HBS1L: variants seen among roughly 807,000 people sequenced by gnomAD.
HBS1L encodes HBS1 like translational GTPase.
A neutral mutation model predicts 88.9 loss-of-function variants in HBS1L; 55 were observed. That is an observed-to-expected ratio of 0.62 (90% CI 0.50 to 0.77). HBS1L has a LOEUF of 0.77. HBS1L is among the 30% of genes least tolerant of loss of function. HBS1L has a pLI of 0.00. For missense variants in HBS1L, 741 were observed against 829.3 expected (o/e 0.89, Z 1.31); for synonymous variants, 267 against 288.5 (o/e 0.93, Z 0.76).
Position 134,961,092 on chromosome 6 carries a change from T to A in HBS1L, c.*4187A>T. ...GCTGTACAGACTTAGTTTCTTTGCT[T>A]TTTTTTTTTTTTTTTTTGCATTGAT... is the stretch of plus-strand genomic sequence containing the variant. On this transcript the variant is annotated 3_prime_UTR_variant, in exon 18 of 18. Coordinates refer to ENST00000367837, the MANE Select transcript of HBS1L (RefSeq NM_006620.4). The A allele has an allele frequency of 2.2e-5, 1 of 46,246 alleles. No individual in the cohort carries two copies. The highest frequency in any genetic ancestry group is 8.5e-5 in the African/African-American group (1 of 11,740). The allele number at this position is 46,246 out of a possible 1,614,324, so 2.9% of individuals were successfully genotyped here. A position where few individuals can be genotyped will look rare whatever the true frequency, so the allele number is the denominator to read the frequency against.
intron 5 of HBS1L, among the ~76,000 whole-genome samples, chr6:135,000,424 G>C (rs1775418316): frequency 6.6e-6 from 1 of 151,664 alleles, no homozygotes; most frequent in African/African-American, 2.4e-5. Context: ...CTTTCTAAAA[G>C]TAAACTATAC....
chr6:135,035,504 GC>G (rs1327251868), intron 4 of HBS1L, among the ~76,000 whole-genome samples: 4 of 151,538 alleles, frequency 2.6e-5, no homozygotes, highest in African/African-American at 9.7e-5. Context: ...ACTTTGGGAG[GC>G]CAAGGCGGGC....
chr6:135,046,962 A>G (rs1776932605), intron 2 of HBS1L, among the ~76,000 whole-genome samples: 1 of 152,238 alleles, frequency 6.6e-6, no homozygotes, highest in South Asian at 2.1e-4. Context: ...GAAAAATTTA[A>G]AAATCCAAAG....
chr6:134,988,033 T>G (rs1039304338), intron 8 of HBS1L, among the ~76,000 whole-genome samples: 16 of 152,124 alleles, frequency 1.1e-4, no homozygotes, highest in African/African-American at 3.9e-4. Context: ...TTAAAATATA[T>G]AAGCAAAGGA....
At chr6:135,033,391 T>C (rs899304511) in intron 4 of HBS1L, among the ~76,000 whole-genome samples, 1 of 152,150 alleles carries the variant, frequency 6.6e-6, no homozygotes, top group African/African-American at 2.4e-5. Context: ...ACTTGGCTTT[T>C]TACCAAGGAT....
In HBS1L at chr6:134,961,090, C is replaced by CTTTTTTTTTT. The variant is rs58274929; in HGVS notation, c.*4179_*4188dup. 2.1e-4 allele frequency: 22 copies of CTTTTTTTTTT among 106,232 alleles called. 3 individuals carry two copies. The highest frequency in any genetic ancestry group is 2.6e-4 in the Non-Finnish European group (14 of 54,254). 6.6% of individuals were successfully genotyped at this position (106,232 alleles called of 1,614,324 possible). On this transcript the variant is annotated 3_prime_UTR_variant, in exon 18 of 18. Transcript: ENST00000367837. Reference sequence around the variant, plus strand: ...TTGCTGTACAGACTTAGTTTCTTTGCTTTTTTTTTTTTTTTTTTTGCATTG... The same window carrying CTTTTTTTTTT: ...TTGCTGTACAGACTTAGTTTCTTTGCTTTTTTTTTTTTTTTTTTTTTTTTTTTTTGCATTG...
chr6:135,043,755 A>C (rs1776825767), intron 2 of HBS1L, among the ~76,000 whole-genome samples: 1 of 152,252 alleles, frequency 6.6e-6, no homozygotes, highest in Non-Finnish European at 1.5e-5. Context: ...CAAGGAGAAA[A>C]GAATAAGAGA....
intron 4 of HBS1L, among the ~76,000 whole-genome samples, chr6:135,003,568 T>TTA (rs545771375): frequency 1.6e-5 from 2 of 128,320 alleles, no homozygotes; most frequent in Non-Finnish European, 3.2e-5. Flanking sequence ...CTCCATCTCT[T>TTA]AAAAAAAAAA....
intron 8 of HBS1L, among the ~76,000 whole-genome samples, chr6:134,992,396 T>C (rs1396592704): frequency 6.6e-6 from 1 of 152,172 alleles, no homozygotes; most frequent in African/African-American, 2.4e-5. Flanking sequence ...GCATTACTCA[T>C]GTATCTGTGA....
At position 134,961,339 on chromosome 6, in the gene HBS1L, T is replaced by C. The variant is rs1774184394; in HGVS notation, c.*3940A>G. On this transcript the variant is annotated 3_prime_UTR_variant, in exon 18 of 18. Transcript: ENST00000367837. ...GTATTTTACACCTACATTTACACTA[T>C]TAACTTATTTGTACATACTTAAATG... is the stretch of plus-strand genomic sequence containing the variant. 6.6e-6 allele frequency: 1 copy of C among 152,214 alleles called. No homozygotes were observed. The highest frequency in any genetic ancestry group is 1.5e-5 in the Non-Finnish European group (1 of 68,044). The allele number at this position is 152,214 out of a possible 1,614,324, so 9.4% of individuals were successfully genotyped here.
rs564840657 is a variant in HBS1L at position 135,054,523 on chromosome 6, C to A, written c.43+126G>T. 6.4e-5 allele frequency: 69 copies of A among 1,080,122 alleles called. No homozygotes were observed. In the African/African-American group the frequency reaches 8.9e-4, roughly 14 times the overall value. 66.9% of individuals were successfully genotyped at this position (1,080,122 alleles called of 1,614,324 possible). ...CTAGAAGGCCTGTTATATTCCCCAA[C>A]TGGGGCTCTCCCAATCCCGACAGGG... is the stretch of plus-strand genomic sequence containing the variant. On this transcript the variant is annotated intron_variant, in intron 1 of 17. Coordinates refer to ENST00000367837, the MANE Select transcript of HBS1L (RefSeq NM_006620.4).
At chr6:135,007,239 GTTAT>G (rs745961702) in intron 4 of HBS1L, among the ~76,000 whole-genome samples, 2 of 152,040 alleles carry the variant, frequency 1.3e-5, no homozygotes, top group South Asian at 2.1e-4. Context: ...CAAAAATGTG[GTTAT>G]TTAAGTGAAA....
At chr6:134,980,339 G>A (rs1198527748) in intron 13 of HBS1L, among the ~76,000 whole-genome samples, 2 of 151,918 alleles carry the variant, frequency 1.3e-5, no homozygotes, top group Non-Finnish European at 2.9e-5. Flanking sequence ...GCATTAATCT[G>A]AGAAAAGAAG....
intron 4 of HBS1L, among the ~76,000 whole-genome samples, chr6:135,008,173 A>G (rs189176326): frequency 6.6e-6 from 1 of 152,228 alleles, no homozygotes; most frequent in Admixed American, 6.5e-5. Context: ...CAAAAGATAC[A>G]TATTCTGAAA....
intron 12 of HBS1L, among the ~76,000 whole-genome samples, chr6:134,983,727 T>G (rs1276851219): frequency 1.3e-5 from 2 of 151,998 alleles, no homozygotes; most frequent in Non-Finnish European, 2.9e-5. Context: ...TTGGGAAGCA[T>G]CAAGATGCAG....
At chr6:135,017,265 T>C (rs1775948786) in intron 4 of HBS1L, among the ~76,000 whole-genome samples, 1 of 152,274 alleles carries the variant, frequency 6.6e-6, no homozygotes, top group South Asian at 2.1e-4. Flanking sequence ...TGACATCAAA[T>C]GCAAGATGTT....
At chr6:135,016,127 C>G (rs946782674) in intron 4 of HBS1L, among the ~76,000 whole-genome samples, 1 of 152,108 alleles carries the variant, frequency 6.6e-6, no homozygotes. Flanking sequence ...CTCAGGTGAT[C>G]CGCCCACCTT....
At chr6:135,047,808 T>C (rs919706214) in intron 2 of HBS1L, among the ~76,000 whole-genome samples, 1 of 152,190 alleles carries the variant, frequency 6.6e-6, no homozygotes, top group Non-Finnish European at 1.5e-5. Flanking sequence ...AGAATGTGAG[T>C]GATGAGGATA....
At chr6:135,054,615 G>A (rs1428061724) in intron 1 of HBS1L, 34 bp downstream of exon 1, 2 of 1,612,444 alleles carry the variant, frequency 1.2e-6, no homozygotes, top group Non-Finnish European at 1.7e-6. Flanking sequence ...CTGTAGCCGG[G>A]AAAAGAACGT....
Sources: allele counts gnomAD v4.1 joint callset (sites outside exome capture counted in the v4.1 genomes callset), GRCh38; gene constraint gnomAD v4.1.1; transcripts MANE v1.5; gene names NCBI Gene and HGNC (gene_info 2026-07-23, HGNC 2026-07-21).